Variants in MATN2 observed in about 807,000 individuals in gnomAD.
MATN2 encodes the protein matrilin 2.
A neutral mutation model predicts 103.2 loss-of-function variants in MATN2; 69 were observed. The observed-to-expected ratio is 0.67, with a 90% CI of 0.55 to 0.82. MATN2 has a LOEUF of 0.82. MATN2 is among the 40% of genes least tolerant of loss of function. MATN2 has a pLI of 0.00. For missense variants in MATN2, 1,023 were observed against 1,211.5 expected, an observed-to-expected ratio of 0.84 and a Z score of 2.31; for synonymous variants, 429 against 450.2, an observed-to-expected ratio of 0.95 and a Z score of 0.60.
chr8:98,013,125 C>T lies in MATN2; in HGVS notation c.1574-3415C>T, dbSNP rs975424851. Reference sequence around the variant, plus strand: ...TTTCCTATAGGGGAGTATCTTTGCCCTGGGTAGAAACTGACTCCAAGTTGG... The same window carrying T: ...TTTCCTATAGGGGAGTATCTTTGCCTTGGGTAGAAACTGACTCCAAGTTGG... On this transcript the variant is annotated intron_variant, in intron 10 of 18. Transcript: ENST00000254898. 3.9e-5 allele frequency among the ~76,000 whole-genome samples: 6 copies of T among 152,292 alleles called. No individual in the cohort carries two copies. The East Asian group carries it at 1.2e-3, about 29-fold the overall frequency.
intron 2 of MATN2, among the ~76,000 whole-genome samples, chr8:97,890,997 C>G (rs1818608340): frequency 6.6e-6 from 1 of 152,194 alleles, no homozygotes; most frequent in South Asian, 2.1e-4. Flanking sequence ...ATCCTGTGAA[C>G]ATCTGTGGGC....
At chr8:97,884,136 CTTTTT>C (rs1260384394) in intron 1 of MATN2, among the ~76,000 whole-genome samples, 2 of 139,608 alleles carry the variant, frequency 1.4e-5, no homozygotes, top group East Asian at 4.2e-4. Context: ...TCTTTTTTTT[CTTTTT>C]TTTTTTTTCT....
chr8:98,032,946 A>G, intron 16 of MATN2, 96 bp from the exon 17 acceptor site: 1 of 1,166,760 alleles, frequency 8.6e-7, no homozygotes, highest in Non-Finnish European at 1.2e-6. Flanking sequence ...GCTCTGTACC[A>G]AGTGCTAGGA....
intron 18 of MATN2, among the ~76,000 whole-genome samples, chr8:98,034,647 G>A (rs1028856153): frequency 5.3e-5 from 8 of 152,076 alleles, no homozygotes; most frequent in Non-Finnish European, 1.2e-4. Context: ...CTTCTCGCTT[G>A]CCTGTCCCAC....
intron 2 of MATN2, among the ~76,000 whole-genome samples, chr8:97,908,596 A>G (rs777478341): frequency 7.2e-5 from 11 of 152,158 alleles, no homozygotes; most frequent in Non-Finnish European, 1.0e-4. Context: ...TTGACCATCT[A>G]CTGTACTGAC....
chr8:97,992,637 T>C (rs1340231917), intron 6 of MATN2, among the ~76,000 whole-genome samples: 1 of 149,730 alleles, frequency 6.7e-6, no homozygotes, highest in Non-Finnish European at 1.5e-5. Flanking sequence ...TCCCAACTAC[T>C]TGGGAGGCTG....
chr8:98,033,480 T>C (rs765480508), intron 17 of MATN2, 81 bp from the exon 18 acceptor site: 1 of 751,446 alleles, frequency 1.3e-6, no homozygotes, highest in Non-Finnish European at 2.2e-6. Context: ...GTTTCCTCCA[T>C]ATGCTGATTC....
In MATN2 at chr8:98,033,138, G is replaced by A. The variant is rs199687930; in HGVS notation, c.2678G>A (p.Arg893Gln). 273 of 1,609,310 alleles carry A rather than the reference G, an allele frequency of 1.7e-4. 1 individual carries two copies. The highest frequency in any genetic ancestry group is 2.2e-4 in the Non-Finnish European group (259 of 1,177,914). Residue 893 changes from arginine to glutamine, a missense_variant, in exon 17 of 19, where the codon CGG becomes CAG. Physicochemically the swap from Arg to Gln is conservative, Grantham distance 43. Transcript: ENST00000254898. ...RYLFEEDNLL[R>Q]STQKLSHSTK... The stretch of plus-strand genomic sequence containing the variant: ...CTGTTTGAAGAAGACAATCTTTTAC[G>A]GTCTACACAAAAGCTTTCCCATTCA...
chr8:97,880,376 C>CTTTAAAAATTAACTGCCTGTTT (rs1251274000), intron 1 of MATN2, among the ~76,000 whole-genome samples: 3 of 152,128 alleles, frequency 2.0e-5, no homozygotes, highest in Non-Finnish European at 4.4e-5. Flanking sequence ...AGCTGGAGTC[C>CTTTAAAAATTAACTGCCTGTTT]TTTAAAAATT....
At chr8:98,019,429 T>C (rs1813499262) in intron 12 of MATN2, among the ~76,000 whole-genome samples, 1 of 152,202 alleles carries the variant, frequency 6.6e-6, no homozygotes, top group Non-Finnish European at 1.5e-5. Context: ...TTTTTCTCTT[T>C]AGGCCTTCAA....
chr8:98,027,296 TA>T, intron 13 of MATN2, 119 bp from the exon 14 acceptor site: 1 of 791,890 alleles, frequency 1.3e-6, no homozygotes, highest in Non-Finnish European at 2.0e-6. Context: ...GTGTATTATC[TA>T]AAGAACAAAA....
At chr8:97,903,447 G>GT (rs1819057729) in intron 2 of MATN2, among the ~76,000 whole-genome samples, 1 of 152,140 alleles carries the variant, frequency 6.6e-6, no homozygotes, top group African/African-American at 2.4e-5. Flanking sequence ...GGAAGGCAGG[G>GT]TTTTTTTGTT....
At position 98,005,548 on chromosome 8, in the gene MATN2, C is replaced by T. The variant is rs1184651209; in HGVS notation, c.1328-1557C>T. ...GCTCTAAGAACGGACCACAAGAGAT[C>T]GGGACCCTCCCTTCTCTCTGGGATC... is the stretch of plus-strand genomic sequence containing the variant. On this transcript the variant is annotated intron_variant, in intron 8 of 18. Transcript: ENST00000254898. This position sits in a 1 kb window ranked among gnomAD's most constrained non-coding sequence, Gnocchi z 4.6. Among the ~76,000 whole-genome samples, 1 of 152,130 alleles carries T rather than the reference C, an allele frequency of 6.6e-6. No individual in the cohort carries two copies. The highest frequency in any genetic ancestry group is 1.5e-5 in the Non-Finnish European group (1 of 68,016).
rs186107995 is a variant in MATN2, at chr8:97,909,200, T to C, written c.142+20958T>C. Among the ~76,000 whole-genome samples the C allele has an allele frequency of 1.8e-3, 267 of 152,376 alleles. 1 individual carries two copies. In the Middle Eastern group the frequency reaches 0.041, roughly 23 times the overall value. Reference sequence around the variant, plus strand: ...CACCTACCTTGGCCTCCCAAATTGCTGGGATTATAGGTGTGAGACACCATG... The same window carrying C: ...CACCTACCTTGGCCTCCCAAATTGCCGGGATTATAGGTGTGAGACACCATG... On this transcript the variant is annotated intron_variant, in intron 2 of 18. Coordinates refer to ENST00000254898, the MANE Select transcript of MATN2 (RefSeq NM_002380.5).
chr8:98,010,719 C>T (rs1813131619), intron 10 of MATN2, among the ~76,000 whole-genome samples: 1 of 152,150 alleles, frequency 6.6e-6, no homozygotes, highest in South Asian at 2.1e-4. Context: ...GGGCTGGACT[C>T]AGGAGTCCAA....
At chr8:98,023,490 G>A (rs1387587018) in intron 13 of MATN2, among the ~76,000 whole-genome samples, 1 of 152,020 alleles carries the variant, frequency 6.6e-6, no homozygotes, top group South Asian at 2.1e-4. Context: ...GGGCAACATG[G>A]TGAAACCCTG....
intron 6 of MATN2, among the ~76,000 whole-genome samples, chr8:97,988,572 G>A (rs1812282077): frequency 6.6e-6 from 1 of 151,888 alleles, no homozygotes; most frequent in Non-Finnish European, 1.5e-5. Flanking sequence ...GCTTCAGTAA[G>A]CCACGATCAC....
intron 4 of MATN2, among the ~76,000 whole-genome samples, chr8:97,946,864 T>C (rs1164436207): frequency 2.6e-5 from 4 of 152,232 alleles, no homozygotes; most frequent in Non-Finnish European, 4.4e-5. Flanking sequence ...AGATTTATGT[T>C]AGAGTTTAAA....
intron 1 of MATN2, among the ~76,000 whole-genome samples, chr8:97,870,426 G>C (rs1048070696): frequency 3.3e-5 from 5 of 152,172 alleles, no homozygotes; most frequent in African/African-American, 1.2e-4. Context: ...GTTGAGGCAG[G>C]AGAATCGGTT....
Sources: allele counts gnomAD v4.1 joint callset (sites outside exome capture counted in the v4.1 genomes callset), GRCh38; gene constraint gnomAD v4.1.1; non-coding constraint Gnocchi (gnomAD v3.1); transcripts MANE v1.5; gene names NCBI Gene and HGNC (gene_info 2026-07-23, HGNC 2026-07-21).